The following CTNNA3 variants were observed in gnomAD, a reference collection of about 807,000 sequenced individuals.
CTNNA3 encodes the protein catenin alpha-3.
Under a neutral mutation model 95.7 loss-of-function variants are expected in CTNNA3, and 76 were observed. The ratio of observed to expected loss-of-function variants is 0.79; its 90% CI spans 0.66 to 0.96. The LOEUF is 0.96. Ranked by LOEUF, CTNNA3 falls within the 40% of genes least tolerant of loss-of-function variation. CTNNA3 has a pLI of 0.00. For synonymous variants in CTNNA3, 431 were observed against 374.4 expected (o/e 1.15, Z -1.74); for missense variants, 1,191 against 1,089.8 (o/e 1.09, Z -1.31).
At chr10:66,917,507 T>G (rs1327892105) in intron 7 of CTNNA3, among the ~76,000 whole-genome samples, 1 of 152,242 alleles carries the variant, frequency 6.6e-6, no homozygotes, top group African/African-American at 2.4e-5. Flanking sequence ...GATTCTCATT[T>G]GTCAGAAGTT....
At chr10:66,794,023 T>C (rs1048467152) in intron 7 of CTNNA3, among the ~76,000 whole-genome samples, 1 of 152,210 alleles carries the variant, frequency 6.6e-6, no homozygotes, top group Non-Finnish European at 1.5e-5. Context: ...AGGCTTCCAC[T>C]TAATTACAGA....
chr10:67,709,371 A>G (rs909666456), intron 1 of CTNNA3, among the ~76,000 whole-genome samples: 1 of 152,210 alleles, frequency 6.6e-6, no homozygotes, highest in African/African-American at 2.4e-5. Context: ...CAGAACATAC[A>G]TGAATGTCCA....
rs147501105 is a variant in CTNNA3 at position 66,576,116 on chromosome 10, G to A, written c.1374+45576C>T. On this transcript the variant is annotated intron_variant, in intron 10 of 17. Transcript: ENST00000433211. ...TGATGAGAGAAGTCACTCCCACTTC[G>A]CCCACAGATGGTGGCATTAATAAAG... Among the ~76,000 whole-genome samples, 1,448 of 152,082 alleles carry A rather than the reference G, an allele frequency of 9.5e-3. 18 individuals carry two copies. Among genetic ancestry groups the A allele is most frequent in the Non-Finnish European group, 0.015 (990 of 67,974 alleles).
At chr10:66,579,366 T>A (rs1010790090) in intron 10 of CTNNA3, among the ~76,000 whole-genome samples, 3 of 151,846 alleles carry the variant, frequency 2.0e-5, no homozygotes, top group African/African-American at 7.2e-5. Flanking sequence ...GGGCAGTACA[T>A]GCCATCAGAT....
Position 67,566,043 on chromosome 10 carries a change from G to GTGTATA in CTNNA3, c.293-26375_293-26374insTATACA, listed in dbSNP as rs1274109672. ...CACACACACACACATATGTGTGTGT[G>GTGTATA]TATATATATATATATATATATATAT... is the stretch of plus-strand genomic sequence containing the variant. On this transcript the variant is annotated intron_variant, in intron 3 of 17. Coordinates refer to ENST00000433211, the MANE Select transcript of CTNNA3 (RefSeq NM_013266.4). 3.6e-3 allele frequency among the ~76,000 whole-genome samples: 98 copies of GTGTATA among 26,966 alleles called. 8 individuals carry two copies. Among genetic ancestry groups the GTGTATA allele is most frequent in the Middle Eastern group, 0.025 (1 of 40 alleles). The allele number at this position is 26,966 out of a possible 152,430, so 17.7% of individuals were successfully genotyped here.
chr10:67,115,872 TTAAA>T (rs1277622341), intron 7 of CTNNA3, among the ~76,000 whole-genome samples: 2 of 151,830 alleles, frequency 1.3e-5, no homozygotes, highest in African/African-American at 2.4e-5. Flanking sequence ...GGCCAAATAT[TTAAA>T]TAGACACCTC....
chr10:67,429,034 C>T (rs1456525842), intron 5 of CTNNA3, among the ~76,000 whole-genome samples: 2 of 151,974 alleles, frequency 1.3e-5, no homozygotes, highest in Non-Finnish European at 2.9e-5. Context: ...TTTCTTTACT[C>T]CTGCAAACCT....
chr10:66,103,950 A>G (rs1038413170), intron 13 of CTNNA3, among the ~76,000 whole-genome samples: 1 of 152,256 alleles, frequency 6.6e-6, no homozygotes, highest in Non-Finnish European at 1.5e-5. Context: ...ATTTTATTTC[A>G]GTGAATAGCA....
intron 10 of CTNNA3, among the ~76,000 whole-genome samples, chr10:66,621,413 C>G (rs1420387494): frequency 6.6e-6 from 1 of 151,884 alleles, no homozygotes; most frequent in South Asian, 2.1e-4. Flanking sequence ...CACTTGAGGT[C>G]AGGAGTTCGA....
At chr10:66,561,539 G>A (rs1292038573) in intron 10 of CTNNA3, among the ~76,000 whole-genome samples, 5 of 152,056 alleles carry the variant, frequency 3.3e-5, no homozygotes, top group African/African-American at 7.2e-5. Flanking sequence ...AAGTGATTGG[G>A]TAAGAAGGAT....
chr10:66,148,379 T>C (rs2084008223), intron 13 of CTNNA3, among the ~76,000 whole-genome samples: 3 of 152,116 alleles, frequency 2.0e-5, no homozygotes, highest in African/African-American at 4.8e-5. Flanking sequence ...TATGCTATGG[T>C]TTGAATGTAT....
At chr10:66,779,934 T>C (rs749611950) in intron 7 of CTNNA3, among the ~76,000 whole-genome samples, 2 of 152,096 alleles carry the variant, frequency 1.3e-5, no homozygotes, top group Non-Finnish European at 2.9e-5. Context: ...TAGAGGTACC[T>C]AGGATAACAC....
chr10:67,252,515 T>C (rs1185867679), intron 5 of CTNNA3, among the ~76,000 whole-genome samples: 1 of 152,208 alleles, frequency 6.6e-6, no homozygotes, highest in Non-Finnish European at 1.5e-5. Flanking sequence ...AACAATGCAC[T>C]GTAATAAAAC....
Position 66,934,408 on chromosome 10 carries a change from C to T in CTNNA3, c.1048-158884G>A, listed in dbSNP as rs947675097. 4.6e-5 allele frequency among the ~76,000 whole-genome samples: 7 copies of T among 152,166 alleles called. No individual in the cohort carries two copies. In the South Asian group the frequency reaches 1.5e-3, roughly 32 times the overall value. On this transcript the variant is annotated intron_variant, in intron 7 of 17. Transcript: ENST00000433211. ...AAATGTCTTCCTTTATAAACCAACA[C>T]AATTCAGTCATTTGGCTCAAAAGAG...
chr10:66,724,678 T>C (rs752982606), intron 9 of CTNNA3, among the ~76,000 whole-genome samples: 3 of 152,182 alleles, frequency 2.0e-5, no homozygotes, highest in Non-Finnish European at 4.4e-5. Context: ...ACTATATACA[T>C]TTAGGACAAA....
rs543497747 is a variant in CTNNA3 at position 67,390,002 on chromosome 10, G to C, written c.579+131840C>G. On this transcript the variant is annotated intron_variant, in intron 5 of 17. Transcript: ENST00000433211. ...CCTAACATCACAATTAAAAGAACTA[G>C]AAAAGCAAGAGCAAACACACTCAAA... Among the ~76,000 whole-genome samples, 3 of 151,810 alleles carry C rather than the reference G, an allele frequency of 2.0e-5. No individual in the cohort carries two copies. In the South Asian group the frequency reaches 6.2e-4, roughly 32 times the overall value.
intron 9 of CTNNA3, among the ~76,000 whole-genome samples, chr10:66,763,754 C>T (rs1369145572): frequency 2.0e-5 from 3 of 152,170 alleles, no homozygotes. Context: ...AGAACCCAAC[C>T]ACCATGCTGT....
rs1382547217 is a variant in CTNNA3, at chr10:65,918,994, G to T, written c.*1336C>A. The T allele has an allele frequency of 6.6e-6, 1 of 151,608 alleles. No homozygotes were observed. Among genetic ancestry groups the T allele is most frequent in the Non-Finnish European group, 1.5e-5 (1 of 67,806 alleles). The allele number at this position is 151,608 out of a possible 1,614,324, so 9.4% of individuals were successfully genotyped here. ...AATGGCAATGTTTTAGAAGTAAAAA[G>T]GTACAATATAATACTATTATGATAA... On this transcript the variant is annotated 3_prime_UTR_variant, in exon 18 of 18. Transcript: ENST00000433211.
chr10:66,028,013 C>A (rs1315175251), intron 15 of CTNNA3, among the ~76,000 whole-genome samples: 1 of 152,166 alleles, frequency 6.6e-6, no homozygotes, highest in Non-Finnish European at 1.5e-5. Context: ...ACAGACAAAA[C>A]CTGCATAAGT....
Sources: gnomAD v4.1 joint callset for allele counts (sites outside exome capture counted in the v4.1 genomes callset) on GRCh38, gnomAD v4.1.1 for gene constraint, MANE v1.5 for transcripts, NCBI Gene and HGNC (gene_info 2026-07-23, HGNC 2026-07-21) for gene names.